SDK1: variants seen among roughly 807,000 people sequenced by gnomAD.
SDK1 encodes the protein protein sidekick-1.
A neutral mutation model predicts 245.5 loss-of-function variants in SDK1; 157 were observed. That is an observed-to-expected ratio of 0.64 (90% CI 0.56 to 0.73). SDK1 has a LOEUF of 0.73. Ranked by LOEUF, SDK1 falls within the 30% of genes least tolerant of loss-of-function variation. SDK1 has a pLI of 0.00. For missense variants in SDK1, 3,583 were observed against 3,002.3 expected (o/e 1.19, Z -4.52); for synonymous variants, 1,647 against 1,278.5 (o/e 1.29, Z -6.15).
chr7:3,475,612 TA>T, intron 1 of SDK1, among the ~76,000 whole-genome samples: 1 of 152,338 alleles, frequency 6.6e-6, no homozygotes, highest in South Asian at 2.1e-4. Context: ...ATTGATTGTA[TA>T]AAAATCAAAT....
intron 4 of SDK1, among the ~76,000 whole-genome samples, chr7:3,724,709 G>C (rs10232073): frequency 0.15 from 23,362 of 152,126 alleles, 2,718 homozygotes; most frequent in African/African-American, 0.33. Flanking sequence ...GACACGGGCT[G>C]CTTGGGTCCT....
chr7:3,414,177 C>T (rs1223324839), intron 1 of SDK1, among the ~76,000 whole-genome samples: 1 of 152,020 alleles, frequency 6.6e-6, no homozygotes, highest in Admixed American at 6.6e-5. Context: ...ATCAAGGACT[C>T]CTAGAATTTT....
At chr7:3,883,637 T>A (rs1781260186) in intron 5 of SDK1, among the ~76,000 whole-genome samples, 1 of 152,270 alleles carries the variant, frequency 6.6e-6, no homozygotes, top group Admixed American at 6.5e-5. Flanking sequence ...AAATCAAAAC[T>A]GTGCCATGAA....
intron 1 of SDK1, among the ~76,000 whole-genome samples, chr7:3,332,709 G>T (rs560120996): frequency 1.3e-5 from 2 of 152,120 alleles, no homozygotes; most frequent in Non-Finnish European, 2.9e-5. Flanking sequence ...TGCTGTAGGG[G>T]ACAGTGATAC....
At chr7:3,651,825 G>C (rs1220670286) in intron 4 of SDK1, among the ~76,000 whole-genome samples, 1 of 152,184 alleles carries the variant, frequency 6.6e-6, no homozygotes, top group Non-Finnish European at 1.5e-5. Context: ...AGATAGCTGA[G>C]AGCAGTAATA....
At chr7:3,870,278 T>C (rs1780924438) in intron 5 of SDK1, among the ~76,000 whole-genome samples, 1 of 152,198 alleles carries the variant, frequency 6.6e-6, no homozygotes, top group Admixed American at 6.5e-5. Flanking sequence ...TATAAAGTGA[T>C]TGCTACTTTT....
intron 1 of SDK1, among the ~76,000 whole-genome samples, chr7:3,361,012 GTT>G (rs1562440230): frequency 6.6e-6 from 1 of 152,172 alleles, no homozygotes; most frequent in Non-Finnish European, 1.5e-5. Context: ...TGTGTTGGGA[GTT>G]ACATCCATCA....
chr7:3,710,209 G>A (rs1785009947), intron 4 of SDK1, among the ~76,000 whole-genome samples: 1 of 152,132 alleles, frequency 6.6e-6, no homozygotes, highest in Non-Finnish European at 1.5e-5. Flanking sequence ...AGTTAATTAT[G>A]CTGCTGTCCC....
chr7:3,514,360 C>T (rs776327475), intron 1 of SDK1, among the ~76,000 whole-genome samples: 2 of 151,972 alleles, frequency 1.3e-5, no homozygotes, highest in African/African-American at 2.4e-5. Context: ...CTTAAAACAC[C>T]CAAATATATC....
intron 1 of SDK1, among the ~76,000 whole-genome samples, chr7:3,524,478 A>G (rs1333744122): frequency 1.3e-5 from 2 of 151,810 alleles, no homozygotes; most frequent in African/African-American, 4.9e-5. Context: ...ATTGGGGAAT[A>G]TATTTTAAAG....
chr7:4,233,506 C>A, intron 41 of SDK1, 87 bp downstream of exon 41: 1 of 1,324,632 alleles, frequency 7.5e-7, no homozygotes, highest in Non-Finnish European at 1.0e-6. Flanking sequence ...TCTGTCTTCT[C>A]CTGAAGGGTG....
chr7:4,052,166 G>T (rs1778896971), intron 19 of SDK1, among the ~76,000 whole-genome samples: 1 of 85,324 alleles, frequency 1.2e-5, no homozygotes, highest in Non-Finnish European at 1.9e-5. Context: ...CTGCTTCCAT[G>T]ATCCCCCCCC....
chr7:3,654,749 C>G (rs1319963994), intron 4 of SDK1, among the ~76,000 whole-genome samples: 1 of 152,150 alleles, frequency 6.6e-6, no homozygotes, highest in Non-Finnish European at 1.5e-5. Flanking sequence ...CGTAGAATTG[C>G]TTGGTTCCAT....
chr7:3,576,851 C>A (rs1780309278), intron 1 of SDK1, among the ~76,000 whole-genome samples: 1 of 152,024 alleles, frequency 6.6e-6, no homozygotes, highest in Non-Finnish European at 1.5e-5. Flanking sequence ...CTCTGCAAAG[C>A]AGAAGTTGGT....
At chr7:3,551,640 C>A (rs576789428) in intron 1 of SDK1, among the ~76,000 whole-genome samples, 4 of 151,656 alleles carry the variant, frequency 2.6e-5, no homozygotes, top group African/African-American at 9.7e-5. Flanking sequence ...ACCTTAGTTT[C>A]CCCCTAAATT....
At chr7:3,974,822 C>G (rs1782784585) in intron 13 of SDK1, 1 of 357,836 alleles carries the variant, frequency 2.8e-6, no homozygotes, top group East Asian at 5.7e-5. Flanking sequence ...CCGTGGACAC[C>G]TTATCCTGAT....
intron 1 of SDK1, among the ~76,000 whole-genome samples, chr7:3,565,950 A>G (rs1000688489): frequency 1.1e-4 from 17 of 152,218 alleles, no homozygotes; most frequent in African/African-American, 2.4e-4. Flanking sequence ...ATAAGAGTCA[A>G]TTTATTCTAG....
intron 37 of SDK1, among the ~76,000 whole-genome samples, chr7:4,209,169 C>A (rs894281559): frequency 6.6e-6 from 1 of 152,184 alleles, no homozygotes; most frequent in Non-Finnish European, 1.5e-5. Flanking sequence ...GTGCCCGCAT[C>A]TGAGCTGGAA....
intron 4 of SDK1, among the ~76,000 whole-genome samples, chr7:3,667,702 T>C (rs909851571): frequency 1.3e-5 from 2 of 152,228 alleles, no homozygotes; most frequent in African/African-American, 2.4e-5. Context: ...CCTAAAGTAT[T>C]TAGCCTTTGA....
Sources: gnomAD v4.1 joint callset for allele counts (sites outside exome capture counted in the v4.1 genomes callset) on GRCh38, gnomAD v4.1.1 for gene constraint, MANE v1.5 for transcripts, NCBI Gene and HGNC (gene_info 2026-07-23, HGNC 2026-07-21) for gene names.